The following SPAG16 variants were observed in gnomAD, a reference collection of about 807,000 sequenced individuals.
SPAG16 encodes sperm associated antigen 16, also known as sperm-associated antigen 16 protein.
Under a neutral mutation model 80.4 loss-of-function variants are expected in SPAG16, and 86 were observed. That is an observed-to-expected ratio of 1.07 (90% CI 0.90 to 1.28). The LOEUF is 1.28. SPAG16 is among the 50% of genes most tolerant of loss of function. The probability of loss-of-function intolerance (pLI) is 0.00; values close to 1 mark genes in which losing one functional copy is unlikely to be tolerated. For synonymous variants in SPAG16, 294 were observed against 265.9 expected (o/e 1.11, Z -1.03); for missense variants, 870 against 765.3 (o/e 1.14, Z -1.61).
intron 14 of SPAG16, among the ~76,000 whole-genome samples, chr2:214,131,870 G>A (rs1413117147): frequency 2.6e-5 from 4 of 152,052 alleles, no homozygotes; most frequent in African/African-American, 7.2e-5. Context: ...TTATAATGAT[G>A]GTTACACTTG....
At chr2:213,548,838 T>A (rs2076697014) in intron 10 of SPAG16, among the ~76,000 whole-genome samples, 1 of 152,138 alleles carries the variant, frequency 6.6e-6, no homozygotes, top group Non-Finnish European at 1.5e-5. Flanking sequence ...GAATAAAAAA[T>A]TATAAAAACT....
intron 15 of SPAG16, among the ~76,000 whole-genome samples, chr2:214,278,044 G>A (rs1332976826): frequency 6.6e-6 from 1 of 152,194 alleles, no homozygotes; most frequent in Non-Finnish European, 1.5e-5. Context: ...CCAGGCTGCT[G>A]CCTCGCAGGT....
rs927274687 is a variant in SPAG16 at position 213,730,737 on chromosome 2, A to G, written c.1071-131748A>G. Among the ~76,000 whole-genome samples the G allele has an allele frequency of 2.6e-4, 39 of 152,196 alleles. 1 individual carries two copies. Among genetic ancestry groups the G allele is most frequent in the Non-Finnish European group, 4.4e-5 (3 of 68,030 alleles). On this transcript the variant is annotated intron_variant, in intron 10 of 15. Transcript: ENST00000331683. ...CATTAATTTGGAGGAAGTTCTAGCC[A>G]TTATTTCTTCCAATGTTCTCCTACT...
intron 9 of SPAG16, among the ~76,000 whole-genome samples, chr2:213,382,547 A>G (rs114035333): frequency 0.012 from 1,829 of 152,328 alleles, 34 homozygotes; most frequent in African/African-American, 0.031. Context: ...ATAAGGCCCA[A>G]GGAGAATTGT....
At chr2:213,382,115 T>C (rs2067204765) in intron 9 of SPAG16, among the ~76,000 whole-genome samples, 1 of 152,184 alleles carries the variant, frequency 6.6e-6, no homozygotes, top group African/African-American at 2.4e-5. Context: ...GTAGGTATAG[T>C]TGAGGGACAT....
chr2:214,380,332 A>G (rs1323533360), intron 15 of SPAG16, among the ~76,000 whole-genome samples: 1 of 152,222 alleles, frequency 6.6e-6, no homozygotes, highest in Non-Finnish European at 1.5e-5. Flanking sequence ...ATTTCCAGTT[A>G]CTGGCAATCT....
chr2:213,760,740 T>C (rs954008517), intron 10 of SPAG16, among the ~76,000 whole-genome samples: 2 of 152,214 alleles, frequency 1.3e-5, no homozygotes, highest in South Asian at 2.1e-4. Context: ...TTTGCTGTTA[T>C]AACAAAATGC....
At chr2:213,540,587 CT>C (rs2076411852) in intron 10 of SPAG16, among the ~76,000 whole-genome samples, 1 of 151,806 alleles carries the variant, frequency 6.6e-6, no homozygotes, top group Non-Finnish European at 1.5e-5. Context: ...TAGTTAATTG[CT>C]TTGTTAATGA....
chr2:213,402,432 T>C (rs568389523), intron 9 of SPAG16, among the ~76,000 whole-genome samples: 8 of 152,240 alleles, frequency 5.3e-5, no homozygotes, highest in Non-Finnish European at 1.0e-4. Flanking sequence ...TTTTAAATTT[T>C]ATTATTATTA....
chr2:213,964,385 C>A (rs1027347141), intron 12 of SPAG16, among the ~76,000 whole-genome samples: 5 of 151,996 alleles, frequency 3.3e-5, no homozygotes, highest in Non-Finnish European at 5.9e-5. Context: ...TGAAGAACAC[C>A]TTTAGTATTC....
intron 15 of SPAG16, among the ~76,000 whole-genome samples, chr2:214,324,885 G>A (rs936774300): frequency 6.6e-6 from 1 of 152,104 alleles, no homozygotes; most frequent in Non-Finnish European, 1.5e-5. Flanking sequence ...CATACACACA[G>A]GCATGCTCAA....
At chr2:214,034,916 TCCTGAGTTCTTGAA>T (rs528520464) in intron 13 of SPAG16, among the ~76,000 whole-genome samples, 6 of 152,282 alleles carry the variant, frequency 3.9e-5, no homozygotes, top group African/African-American at 1.4e-4. Context: ...ATTCGGCAGG[TCCTGAGTTCTTGAA>T]CCTGTGCCCA....
chr2:213,509,248 G>A (rs1020805337), intron 10 of SPAG16, among the ~76,000 whole-genome samples: 7 of 151,978 alleles, frequency 4.6e-5, no homozygotes, highest in African/African-American at 7.2e-5. Flanking sequence ...CACCCGCCTC[G>A]GCCTCCAAAA....
chr2:213,793,996 A>T (rs187838190), intron 10 of SPAG16, among the ~76,000 whole-genome samples: 19 of 152,314 alleles, frequency 1.2e-4, no homozygotes, highest in Admixed American at 7.8e-4. Context: ...GTTCACAAAC[A>T]TCATCAAATT....
intron 10 of SPAG16, among the ~76,000 whole-genome samples, chr2:213,817,494 G>GA (rs1478101530): frequency 6.6e-6 from 1 of 151,700 alleles, no homozygotes; most frequent in Non-Finnish European, 1.5e-5. Flanking sequence ...ATGCCCAAAG[G>GA]AAAATAAACT....
At chr2:214,108,706 T>G (rs1443313070) in intron 14 of SPAG16, among the ~76,000 whole-genome samples, 1 of 152,170 alleles carries the variant, frequency 6.6e-6, no homozygotes, top group African/African-American at 2.4e-5. Flanking sequence ...AGAAAAAAGT[T>G]TTCTCCAATT....
At chr2:214,101,152 T>C (rs1279410619) in intron 13 of SPAG16, among the ~76,000 whole-genome samples, 2 of 152,146 alleles carry the variant, frequency 1.3e-5, no homozygotes, top group Non-Finnish European at 2.9e-5. Flanking sequence ...TACTTAATTT[T>C]TTTTTCAAAT....
At chr2:214,026,026 A>G (rs1468016205) in intron 13 of SPAG16, among the ~76,000 whole-genome samples, 4 of 151,568 alleles carry the variant, frequency 2.6e-5, no homozygotes, top group Non-Finnish European at 5.9e-5. Context: ...GGTAAGAGGC[A>G]GGGCTGAAGA....
intron 9 of SPAG16, among the ~76,000 whole-genome samples, chr2:213,465,079 T>A (rs1559159120): frequency 6.6e-6 from 1 of 152,174 alleles, no homozygotes; most frequent in East Asian, 1.9e-4. Flanking sequence ...TTTGGTGGCC[T>A]TTACAATGTA....
Sources: allele counts gnomAD v4.1 joint callset (sites outside exome capture counted in the v4.1 genomes callset), GRCh38; gene constraint gnomAD v4.1.1; transcripts MANE v1.5; gene names NCBI Gene and HGNC (gene_info 2026-07-23, HGNC 2026-07-21).